Variants in PKHD1 observed in about 807,000 individuals in gnomAD.
PKHD1 encodes PKHD1 ciliary IPT domain containing fibrocystin/polyductin.
In PKHD1, 291 loss-of-function variants were observed where a neutral mutation model predicts 412.0. That is an observed-to-expected ratio of 0.71 (90% CI 0.64 to 0.78). PKHD1 has a LOEUF of 0.78. Among genes scored for constraint, PKHD1 ranks in the 30% least tolerant of loss-of-function variants. The pLI is 0.00. For missense variants in PKHD1, 4,825 were observed against 4,950.7 expected (o/e 0.97, Z 0.76); for synonymous variants, 1,777 against 1,821.5 (o/e 0.98, Z 0.62).
intron 35 of PKHD1, among the ~76,000 whole-genome samples, chr6:51,994,141 T>TC (rs1797411181): frequency 6.6e-6 from 1 of 150,930 alleles, no homozygotes; most frequent in South Asian, 2.1e-4. Context: ...TTTCTTTCTT[T>TC]TTTTTTTTTT....
chr6:51,736,343 T>C (rs963419454), intron 60 of PKHD1, among the ~76,000 whole-genome samples: 2 of 152,186 alleles, frequency 1.3e-5, no homozygotes, highest in African/African-American at 4.8e-5. Flanking sequence ...TAATCAAATA[T>C]TGTTATGGCA....
chr6:51,896,623 G>A (rs1296160844), intron 43 of PKHD1, among the ~76,000 whole-genome samples: 2 of 152,160 alleles, frequency 1.3e-5, no homozygotes, highest in East Asian at 3.9e-4. Context: ...TCCTCCAAAG[G>A]AACGCAGTTC....
chr6:51,807,594 A>G (rs1459752788), intron 52 of PKHD1, among the ~76,000 whole-genome samples: 1 of 150,318 alleles, frequency 6.7e-6, no homozygotes, highest in Non-Finnish European at 1.5e-5. Flanking sequence ...TCTGAACAGG[A>G]TTCTTTTAAA....
chr6:52,053,290 G>A (rs769356233), intron 20 of PKHD1, 39 bp from the exon 21 acceptor site: 1 of 1,605,000 alleles, frequency 6.2e-7, no homozygotes, highest in Non-Finnish European at 8.5e-7. Flanking sequence ...CTCTCAGGGA[G>A]CACTTGCAGT....
intron 63 of PKHD1, among the ~76,000 whole-genome samples, chr6:51,640,511 C>G (rs1769206825): frequency 6.6e-6 from 1 of 152,110 alleles, no homozygotes; most frequent in African/African-American, 2.4e-5. Context: ...ATGACATATA[C>G]AAATGCAATT....
In PKHD1 at chr6:51,820,566, C is replaced by T. The variant is rs1003400000; in HGVS notation, c.8302+10295G>A. Among the ~76,000 whole-genome samples, 20 of 152,252 alleles carry T rather than the reference C, an allele frequency of 1.3e-4. 1 individual carries two copies. Among genetic ancestry groups the T allele is most frequent in the African/African-American group, 4.3e-4 (18 of 41,548 alleles). On this transcript the variant is annotated intron_variant, in intron 52 of 66. Transcript: ENST00000371117. Reference sequence around the variant, plus strand: ...TATTTTGATAACCATAACAATATAACTGATTTCTTTTATAATCCTACTTTA... The same window carrying T: ...TATTTTGATAACCATAACAATATAATTGATTTCTTTTATAATCCTACTTTA...
chr6:51,736,896 C>G (rs1783924135), intron 60 of PKHD1, among the ~76,000 whole-genome samples: 1 of 152,206 alleles, frequency 6.6e-6, no homozygotes, highest in Admixed American at 6.5e-5. Context: ...AGTTGAGAAA[C>G]TGCAAGCCAC....
chr6:52,029,814 G>A (rs1286893431), intron 29 of PKHD1, among the ~76,000 whole-genome samples: 1 of 152,222 alleles, frequency 6.6e-6, no homozygotes, highest in Admixed American at 6.5e-5. Flanking sequence ...AGAAAGCCAA[G>A]CCAGAGGGAT....
intron 53 of PKHD1, among the ~76,000 whole-genome samples, chr6:51,778,885 G>A (rs980909503): frequency 6.6e-6 from 1 of 151,978 alleles, no homozygotes; most frequent in Admixed American, 6.6e-5. Context: ...TCTCCTCTGT[G>A]CTCATGAGAT....
chr6:52,004,169 ACTAT>A (rs1798772786), intron 35 of PKHD1, among the ~76,000 whole-genome samples: 2 of 152,136 alleles, frequency 1.3e-5, no homozygotes, highest in South Asian at 4.1e-4. Flanking sequence ...CTTAGAGATT[ACTAT>A]CTATCCATTT....
At chr6:51,815,296 T>G (rs1340863738) in intron 52 of PKHD1, among the ~76,000 whole-genome samples, 1 of 152,184 alleles carries the variant, frequency 6.6e-6, no homozygotes, top group Non-Finnish European at 1.5e-5. Flanking sequence ...TAAAAGTAAG[T>G]AATATTTACA....
In PKHD1 at chr6:52,059,977, T is replaced by G. The variant is rs761243060; in HGVS notation, c.1184A>C (p.Asp395Ala). The G allele has an allele frequency of 1.9e-6, 3 of 1,609,966 alleles. No homozygotes were observed. Among genetic ancestry groups the G allele is most frequent in the Non-Finnish European group, 2.6e-6 (3 of 1,176,348 alleles). ...ACTGAAATGCAAGGAAGCTTGGCTA[T>G]CTGCCTGAATCCAGAAAGTGTAATT... is the stretch of plus-strand genomic sequence containing the variant. ...TNNYTFWIQA[D>A]SQASLHFSWS... The change falls in exon 15 of 67, where the codon GAT (aspartate) becomes GCT (alanine). Residue 395 changes from aspartate to alanine, a missense_variant. Transcript: ENST00000371117.
intron 43 of PKHD1, among the ~76,000 whole-genome samples, chr6:51,898,507 T>A (rs1780552062): frequency 6.9e-6 from 1 of 144,490 alleles, no homozygotes; most frequent in South Asian, 2.5e-4. Flanking sequence ...TGGGACACAT[T>A]CAAAGCAGTG....
intron 36 of PKHD1, among the ~76,000 whole-genome samples, chr6:51,958,883 C>T (rs945093864): frequency 6.6e-6 from 1 of 151,696 alleles, no homozygotes; most frequent in Non-Finnish European, 1.5e-5. Context: ...AGCTGACAGA[C>T]CATTTTATCC....
intron 36 of PKHD1, among the ~76,000 whole-genome samples, chr6:51,958,582 C>A (rs1561986326): frequency 6.6e-6 from 1 of 152,050 alleles, no homozygotes; most frequent in Non-Finnish European, 1.5e-5. Flanking sequence ...AGACTTTCAG[C>A]TGGGAAACTT....
chr6:51,813,684 A>T (rs1196475982), intron 52 of PKHD1, among the ~76,000 whole-genome samples: 1 of 152,172 alleles, frequency 6.6e-6, no homozygotes, highest in Non-Finnish European at 1.5e-5. Flanking sequence ...TTAACGCAAT[A>T]TGATTTGGGC....
chr6:51,782,546 T>C (rs1485669081), intron 53 of PKHD1, among the ~76,000 whole-genome samples: 4 of 152,136 alleles, frequency 2.6e-5, no homozygotes, highest in Non-Finnish European at 1.5e-5. Context: ...AAAAGTCACA[T>C]CCCTTTTATG....
Position 51,659,471 on chromosome 6 carries a change from G to T in PKHD1, c.10655C>A (p.Pro3552His). The T allele has an allele frequency of 6.2e-7, 1 of 1,613,594 alleles. No homozygotes were observed. The highest frequency in any genetic ancestry group is 8.5e-7 in the Non-Finnish European group (1 of 1,179,792). ...LLYVVLQGEE[P>H]IEIRSGVSIH... ...GGAAACACCTGAGCGTATTTCAATG[G>T]GCTCCTCTCCTTGTAGGACAACATA... Residue 3552 changes from proline to histidine, a missense_variant, in exon 61 of 67, where the codon CCC becomes CAC. Physicochemically the swap from Pro to His is moderately conservative, Grantham distance 77. Transcript: ENST00000371117.
intron 45 of PKHD1, among the ~76,000 whole-genome samples, chr6:51,884,321 C>T (rs2127545692): frequency 6.6e-6 from 1 of 152,214 alleles, no homozygotes; most frequent in South Asian, 2.1e-4. Flanking sequence ...TGTCAAAAAT[C>T]ATTTGTTTAT....
Sources: allele counts gnomAD v4.1 joint callset (sites outside exome capture counted in the v4.1 genomes callset), GRCh38; gene constraint gnomAD v4.1.1; transcripts MANE v1.5; gene names NCBI Gene and HGNC (gene_info 2026-07-23, HGNC 2026-07-21).